The following NUP205 variants were observed in gnomAD, a reference collection of about 807,000 sequenced individuals.
NUP205 encodes the protein nucleoporin 205.
A neutral mutation model predicts 253.8 loss-of-function variants in NUP205; 76 were observed. That is an observed-to-expected ratio of 0.30 (90% CI 0.25 to 0.36). NUP205 has a LOEUF of 0.36. Among genes scored for constraint, NUP205 ranks in the 10% least tolerant of loss-of-function variants. The pLI is 1.00. For synonymous variants in NUP205, 832 were observed against 850.1 expected, an observed-to-expected ratio of 0.98 and a Z score of 0.37; for missense variants, 2,162 against 2,425.5, an observed-to-expected ratio of 0.89 and a Z score of 2.28.
intron 1 of NUP205, among the ~76,000 whole-genome samples, chr7:135,563,341 T>G (rs1444984576): frequency 6.6e-6 from 1 of 151,598 alleles, no homozygotes; most frequent in Non-Finnish European, 1.5e-5. Flanking sequence ...GCGCATGCCA[T>G]CACGCCTGGC....
At chr7:135,578,266 G>A (rs112985405) in intron 6 of NUP205, among the ~76,000 whole-genome samples, 2,082 of 152,106 alleles carry the variant, frequency 0.014, 48 homozygotes, top group African/African-American at 0.045. Context: ...TATTATACAT[G>A]TTCATGATTG....
chr7:135,601,003 C>G (rs545989946), intron 16 of NUP205, 34 bp downstream of exon 16: 3 of 1,149,300 alleles, frequency 2.6e-6, no homozygotes, highest in Non-Finnish European at 3.9e-6. Context: ...AACAAGTTGT[C>G]AACTATTTAT....
chr7:135,610,486 C>T (rs1442312210), intron 22 of NUP205, among the ~76,000 whole-genome samples: 2 of 152,198 alleles, frequency 1.3e-5, no homozygotes, highest in Non-Finnish European at 2.9e-5. Flanking sequence ...TCCCAAAGTG[C>T]TGAGATTACA....
chr7:135,597,344 A>G (rs1563121741), intron 13 of NUP205, 24 bp from the exon 14 acceptor site: 4 of 1,582,240 alleles, frequency 2.5e-6, no homozygotes, highest in Non-Finnish European at 3.5e-6. Context: ...AATGCTCCTG[A>G]CATCTACTTC....
At chr7:135,567,060 T>C (rs925151140) in intron 1 of NUP205, among the ~76,000 whole-genome samples, 2 of 145,838 alleles carry the variant, frequency 1.4e-5, no homozygotes, top group African/African-American at 2.5e-5. Context: ...GTTTAATGTC[T>C]GTCAGTCTTA....
chr7:135,565,935 A>T (rs1385543444), intron 1 of NUP205, among the ~76,000 whole-genome samples: 4 of 152,146 alleles, frequency 2.6e-5, no homozygotes, highest in Non-Finnish European at 5.9e-5. Context: ...ATCCTGAGGG[A>T]AGTCATCTAG....
intron 1 of NUP205, 128 bp downstream of exon 1, chr7:135,558,100 T>G: frequency 1.2e-6 from 1 of 815,924 alleles, no homozygotes. Context: ...TCCCTAATTC[T>G]GGGCCTAGAG....
chr7:135,571,673 A>T (rs138570105), intron 2 of NUP205, among the ~76,000 whole-genome samples: 91 of 152,174 alleles, frequency 6.0e-4, no homozygotes, highest in Middle Eastern at 6.8e-3. Flanking sequence ...GAGAATGGGG[A>T]GTCATTCATC....
intron 12 of NUP205, among the ~76,000 whole-genome samples, chr7:135,593,701 G>A (rs919155143): frequency 6.6e-6 from 1 of 152,098 alleles, no homozygotes; most frequent in Non-Finnish European, 1.5e-5. Flanking sequence ...CACTAGAATA[G>A]TCTGACATTT....
chr7:135,565,206 T>C (rs373942417), intron 1 of NUP205, among the ~76,000 whole-genome samples: 2 of 152,214 alleles, frequency 1.3e-5, no homozygotes, highest in East Asian at 3.8e-4. Context: ...GAGGTCCTAC[T>C]GTATATTAAT....
intron 10 of NUP205, among the ~76,000 whole-genome samples, chr7:135,589,010 C>T (rs1038979389): frequency 6.6e-6 from 1 of 150,774 alleles, no homozygotes; most frequent in Non-Finnish European, 1.5e-5. Flanking sequence ...GAGACCCCAT[C>T]GCTACAAAAA....
chr7:135,622,495 T>C (rs187959083), intron 30 of NUP205, among the ~76,000 whole-genome samples: 100 of 152,100 alleles, frequency 6.6e-4, no homozygotes, highest in African/African-American at 2.3e-3. Flanking sequence ...CATGGAGTCT[T>C]GTAATTCATT....
chr7:135,567,120 C>CTATATATATA (rs1805783506), intron 1 of NUP205, among the ~76,000 whole-genome samples: 2 of 53,852 alleles, frequency 3.7e-5, no homozygotes, highest in Non-Finnish European at 7.0e-5. Flanking sequence ...CTTGCTCAGT[C>CTATATATATA]TATGTGTGTA....
Position 135,606,877 on chromosome 7 carries a change from T to C in NUP205, c.3032T>C (p.Leu1011Ser), listed in dbSNP as rs186919201. 8.1e-6 allele frequency: 13 copies of C among 1,614,050 alleles called. No individual in the cohort carries two copies. The highest frequency in any genetic ancestry group is 1.1e-5 in the Non-Finnish European group (13 of 1,179,962). Reference protein sequence around the residue: ...NLALYLLGFELKKPVSTTNLQ... With the variant: ...NLALYLLGFESKKPVSTTNLQ... Reference sequence around the variant, plus strand: ...GCTCTCTACCTGTTGGGCTTTGAATTGAAAAAACCTGTCAGTACTACAAAC... The same window carrying C: ...GCTCTCTACCTGTTGGGCTTTGAATCGAAAAAACCTGTCAGTACTACAAAC... Residue 1011 changes from leucine to serine, a missense_variant, in exon 21 of 43, where the codon TTG (leucine) becomes TCG (serine). Physicochemically the swap from Leu to Ser is moderately radical, Grantham distance 145. This residue lies in a region of NUP205 where 1,144 missense variants were observed against 1,280.9 expected (regional missense o/e 0.89). Coordinates refer to ENST00000285968, the MANE Select transcript of NUP205 (RefSeq NM_015135.3).
intron 1 of NUP205, among the ~76,000 whole-genome samples, chr7:135,568,942 A>C (rs1181575173): frequency 2.0e-5 from 3 of 152,250 alleles, no homozygotes; most frequent in Admixed American, 6.5e-5. Context: ...TGTTTGTGCC[A>C]ACAATCATAT....
In NUP205 at chr7:135,584,899, G is replaced by C. The variant is rs374757066; in HGVS notation, c.1110G>C (p.Leu370=). ...TCGCAATTGCTGACAACGTTTTCCT[G>C]TTCCTCATGGAATCTGTAGTGGTAT... The part of the protein sequence containing the change: ...AELAIADNVF[L]FLMESVVVSE... The change falls in exon 8 of 43, where the codon CTG becomes CTC. Residue 370 remains leucine (L), a synonymous_variant. Coordinates refer to ENST00000285968, the MANE Select transcript of NUP205 (RefSeq NM_015135.3). 3.6e-5 allele frequency: 58 copies of C among 1,613,886 alleles called. No individual in the cohort carries two copies. Among genetic ancestry groups the C allele is most frequent in the East Asian group, 6.7e-5 (3 of 44,876 alleles).
At chr7:135,645,816 T>G in intron 41 of NUP205, 1 of 578,732 alleles carries the variant, frequency 1.7e-6, no homozygotes, top group Non-Finnish European at 3.0e-6. Flanking sequence ...TCATCAGCTG[T>G]TCCTTAGCTT....
Position 135,571,090 on chromosome 7 carries a change from T to C in NUP205, c.29-15T>C. ...TGTTTTCTTTGACGGTGGTTTCATT[T>C]ATTTTTTCTTTAAGCTGCTAGTCTA... On this transcript the variant is annotated splice_polypyrimidine_tract_variant and intron_variant, in intron 1 of 42. Transcript: ENST00000285968. 6.5e-7 allele frequency: 1 copy of C among 1,538,970 alleles called. No individual in the cohort carries two copies. The highest frequency in any genetic ancestry group is 1.9e-5 in the Admixed American group (1 of 52,304).
At position 135,638,647 on chromosome 7, in the gene NUP205, C is replaced by T; in HGVS notation, c.5356C>T (p.Leu1786Phe). The T allele has an allele frequency of 6.2e-7, 1 of 1,614,074 alleles. No homozygotes were observed. Among genetic ancestry groups the T allele is most frequent in the Non-Finnish European group, 8.5e-7 (1 of 1,179,998 alleles). Residue 1786 changes from leucine to phenylalanine, a missense_variant, in exon 38 of 43, where the codon CTT becomes TTT. Physicochemically the swap from Leu to Phe is conservative, Grantham distance 22. This residue lies in a region of NUP205 where 1,144 missense variants were observed against 1,280.9 expected (regional missense o/e 0.89). Transcript: ENST00000285968. ...QHAVCLFTPS[L>F]SETVNRDGPR... ...TGCTGTGTGTCTCTTCACTCCTAGC[C>T]TTTCAGAAACAGTTAATAGAGATGG...
Sources: gnomAD v4.1 joint callset for allele counts (sites outside exome capture counted in the v4.1 genomes callset) on GRCh38, gnomAD v4.1.1 for gene constraint, gnomAD v4.1.1 regional missense constraint, MANE v1.5 for transcripts, NCBI Gene and HGNC (gene_info 2026-07-23, HGNC 2026-07-21) for gene names.